Variants in WDHD1 observed in about 807,000 individuals in gnomAD.
WDHD1 encodes WD repeat and HMG-box DNA-binding protein 1.
Under a neutral mutation model 135.4 loss-of-function variants are expected in WDHD1, and 111 were observed. The observed-to-expected ratio is 0.82, with a 90% CI of 0.70 to 0.96. WDHD1 has a LOEUF of 0.96. Ranked by LOEUF, WDHD1 falls within the 40% of genes least tolerant of loss-of-function variation. WDHD1 has a pLI of 0.00. For synonymous variants in WDHD1, 434 were observed against 439.0 expected, an observed-to-expected ratio of 0.99 and a Z score of 0.14; for missense variants, 1,351 against 1,336.3, an observed-to-expected ratio of 1.01 and a Z score of -0.17.
At chr14:55,019,228 G>C (rs1354358642) in intron 2 of WDHD1, among the ~76,000 whole-genome samples, 1 of 152,104 alleles carries the variant, frequency 6.6e-6, no homozygotes, top group Non-Finnish European at 1.5e-5. Context: ...ATATGTACCA[G>C]AAATGATTAT....
intron 23 of WDHD1, among the ~76,000 whole-genome samples, chr14:54,955,895 C>CGTTTTTTTTT (rs1281053966): frequency 9.1e-6 from 1 of 110,096 alleles, no homozygotes. Context: ...CCATGTTTTC[C>CGTTTTTTTTT]TTTTTTTTTT....
intron 24 of WDHD1, among the ~76,000 whole-genome samples, chr14:54,954,920 G>A (rs546023028): frequency 1.7e-4 from 26 of 152,138 alleles, no homozygotes; most frequent in African/African-American, 6.3e-4. Context: ...ATAGAGACAG[G>A]GTTTCTCCAT....
chr14:54,957,256 T>A, intron 22 of WDHD1, 52 bp from the exon 23 acceptor site: 1 of 1,532,290 alleles, frequency 6.5e-7, no homozygotes, highest in Non-Finnish European at 8.8e-7. Flanking sequence ...AAAAATAAAA[T>A]CCCAAGAGAC....
At chr14:54,989,490 A>C (rs1267239486) in intron 12 of WDHD1, among the ~76,000 whole-genome samples, 3 of 152,142 alleles carry the variant, frequency 2.0e-5, no homozygotes, top group Non-Finnish European at 2.9e-5. Context: ...AAATTACATG[A>C]CTGTTACTTT....
At chr14:55,001,695 T>C (rs1021549317) in intron 8 of WDHD1, among the ~76,000 whole-genome samples, 3 of 152,226 alleles carry the variant, frequency 2.0e-5, no homozygotes, top group Non-Finnish European at 4.4e-5. Context: ...AGTAAGCCAT[T>C]GCTGACCTAC....
At chr14:54,975,476 T>C (rs900606972) in intron 16 of WDHD1, among the ~76,000 whole-genome samples, 2 of 152,016 alleles carry the variant, frequency 1.3e-5, no homozygotes, top group African/African-American at 4.8e-5. Context: ...GCCTCCCAAG[T>C]AGCTGGGATT....
chr14:54,980,177 G>A (rs2041594042), intron 16 of WDHD1, among the ~76,000 whole-genome samples: 1 of 151,798 alleles, frequency 6.6e-6, no homozygotes, highest in Non-Finnish European at 1.5e-5. Context: ...GTAGCTGGGT[G>A]TGGTGGTGCG....
intron 18 of WDHD1, among the ~76,000 whole-genome samples, chr14:54,963,799 CAAAA>C (rs34281869): frequency 4.8e-5 from 4 of 82,984 alleles, no homozygotes; most frequent in Admixed American, 1.3e-4. Context: ...GACTCTGTCT[CAAAA>C]AAAAAAAAAA....
chr14:54,988,695 T>C (rs1432201200), intron 13 of WDHD1, among the ~76,000 whole-genome samples: 1 of 150,968 alleles, frequency 6.6e-6, no homozygotes, highest in Non-Finnish European at 1.5e-5. Context: ...TGTATACTGG[T>C]TTTTTTTCTT....
At chr14:54,957,742 G>C (rs1488402167) in intron 21 of WDHD1, 107 bp from the exon 22 acceptor site, 1 of 936,224 alleles carries the variant, frequency 1.1e-6, no homozygotes, top group Non-Finnish European at 1.6e-6. Context: ...GAAAACAAAT[G>C]TATTTTGCAA....
intron 11 of WDHD1, among the ~76,000 whole-genome samples, chr14:54,994,417 T>C (rs986975436): frequency 6.6e-6 from 1 of 152,334 alleles, no homozygotes; most frequent in African/African-American, 2.4e-5. Flanking sequence ...AATTTTCTAA[T>C]ATTTCTAAAG....
intron 8 of WDHD1, 105 bp downstream of exon 8, chr14:55,001,985 CAGG>C: frequency 2.6e-6 from 2 of 758,488 alleles, no homozygotes; most frequent in Non-Finnish European, 4.5e-6. Flanking sequence ...ATACAACAGC[CAGG>C]AGTTGTTTTC....
chr14:54,945,323 A>T (rs547760086), intron 24 of WDHD1, among the ~76,000 whole-genome samples: 1 of 152,320 alleles, frequency 6.6e-6, no homozygotes, highest in African/African-American at 2.4e-5. Flanking sequence ...CAAATATTTA[A>T]CATTTACTGA....
chr14:54,963,182 A>G lies in WDHD1; in HGVS notation c.2311-10T>C. 2.7e-5 allele frequency: 8 copies of G among 298,432 alleles called. No homozygotes were observed. The highest frequency in any genetic ancestry group is 4.8e-5 in the Non-Finnish European group (7 of 146,730). The allele number at this position is 298,432 out of a possible 1,614,324, so 18.5% of individuals were successfully genotyped here. The stretch of plus-strand genomic sequence containing the variant: ...CCAGTTTACAAGAAAGCTAATCCAA[A>G]AAGGGGGGGGGGGGGGAGATCAAAT... On this transcript the variant is annotated splice_polypyrimidine_tract_variant and intron_variant, in intron 18 of 25. Coordinates refer to ENST00000360586, the MANE Select transcript of WDHD1 (RefSeq NM_007086.4).
chr14:54,963,130 C>T lies in WDHD1; in HGVS notation c.2353G>A (p.Ala785Thr). Residue 785 changes from alanine (A) to threonine (T), a missense_variant, in exon 19 of 26, where the codon GCT becomes ACT. By Grantham distance (58) the Ala-to-Thr change is moderately conservative. Coordinates refer to ENST00000360586, the MANE Select transcript of WDHD1 (RefSeq NM_007086.4). ...LEREFRCVEL[A>T]DLMTQNAVNL... Reference sequence around the variant, plus strand: ...ACAGCATTTTGAGTCATTAGATCAGCAAGTTCCACACAACGGAATTCTCGC... The same window carrying T: ...ACAGCATTTTGAGTCATTAGATCAGTAAGTTCCACACAACGGAATTCTCGC... 2 of 1,571,390 alleles carry T rather than the reference C, an allele frequency of 1.3e-6. No individual in the cohort carries two copies. Among genetic ancestry groups the T allele is most frequent in the Non-Finnish European group, 1.7e-6 (2 of 1,162,728 alleles).
intron 7 of WDHD1, among the ~76,000 whole-genome samples, chr14:55,006,244 CCTTT>C (rs2042067146): frequency 6.6e-6 from 1 of 152,100 alleles, no homozygotes; most frequent in Non-Finnish European, 1.5e-5. Context: ...TCAAATAATT[CCTTT>C]CTAAGAATAT....
At chr14:54,989,669 T>C (rs1286168114) in intron 12 of WDHD1, among the ~76,000 whole-genome samples, 1 of 152,058 alleles carries the variant, frequency 6.6e-6, no homozygotes, top group Non-Finnish European at 1.5e-5. Context: ...CATAATTTTT[T>C]TTTTTTTTTG....
At chr14:55,022,688 AAAAC>A (rs922374818) in intron 2 of WDHD1, among the ~76,000 whole-genome samples, 4 of 151,924 alleles carry the variant, frequency 2.6e-5, no homozygotes, top group African/African-American at 4.8e-5. Flanking sequence ...TCAAAAAAAC[AAAAC>A]AAACAAACAA....
intron 11 of WDHD1, among the ~76,000 whole-genome samples, chr14:54,992,565 C>T (rs2041809779): frequency 6.6e-6 from 1 of 152,160 alleles, no homozygotes; most frequent in Non-Finnish European, 1.5e-5. Flanking sequence ...CCATTATGAG[C>T]TTCACAACTT....
Sources: allele counts gnomAD v4.1 joint callset (sites outside exome capture counted in the v4.1 genomes callset), GRCh38; gene constraint gnomAD v4.1.1; transcripts MANE v1.5; gene names NCBI Gene and HGNC (gene_info 2026-07-23, HGNC 2026-07-21).